Variants in RXFP2 observed in about 807,000 individuals in gnomAD.
RXFP2 encodes the protein relaxin receptor 2.
RXFP2 carries 68 observed loss-of-function variants against 88.6 expected under a neutral mutation model. The observed-to-expected ratio is 0.77, with a 90% confidence interval of 0.63 to 0.94. RXFP2 has a LOEUF of 0.94. Ranked by LOEUF, RXFP2 falls within the 40% of genes least tolerant of loss-of-function variation. The pLI, the probability that RXFP2 is intolerant of heterozygous loss-of-function variation, is 0.00. For synonymous variants in RXFP2, 329 were observed against 306.8 expected, an observed-to-expected ratio of 1.07 and a Z score of -0.76; for missense variants, 791 against 893.9, an observed-to-expected ratio of 0.88 and a Z score of 1.47.
chr13:31,776,260 T>C (rs1872974877), intron 7 of RXFP2, among the ~76,000 whole-genome samples: 1 of 137,214 alleles, frequency 7.3e-6, no homozygotes, highest in Non-Finnish European at 1.6e-5. Flanking sequence ...CTTCTTTTTT[T>C]TTTTTTTTTT....
chr13:31,774,613 C>T lies in RXFP2; in HGVS notation c.498-7C>T, dbSNP rs745606493. On this transcript the variant is annotated splice_polypyrimidine_tract_variant and splice_region_variant and intron_variant, in intron 5 of 17. Transcript: ENST00000298386. ...ATCACCTGACTCTCTTATCTTATTC[C>T]TACCAGATTTCTTCAGCATAATTGC... is the stretch of plus-strand genomic sequence containing the variant. 7.9e-5 allele frequency: 116 copies of T among 1,462,048 alleles called. 1 individual carries two copies. In the Admixed American group the frequency reaches 1.9e-3, roughly 24 times the overall value. The allele number at this position is 1,462,048 out of a possible 1,614,324, so 90.6% of individuals were successfully genotyped here. A position where few individuals can be genotyped will look rare whatever the true frequency, so the allele number is the denominator to read the frequency against.
chr13:31,741,408 A>G (rs941170379), intron 1 of RXFP2, among the ~76,000 whole-genome samples: 1 of 152,128 alleles, frequency 6.6e-6, no homozygotes, highest in Non-Finnish European at 1.5e-5. Flanking sequence ...ATTCCTACTT[A>G]TAAAAATAAT....
intron 1 of RXFP2, among the ~76,000 whole-genome samples, chr13:31,749,687 A>G (rs1593445585): frequency 6.6e-6 from 1 of 152,204 alleles, no homozygotes; most frequent in African/African-American, 2.4e-5. Context: ...TGATTTTTAA[A>G]ATGTTTCATT....
chr13:31,743,071 G>T (rs991426425), intron 1 of RXFP2, among the ~76,000 whole-genome samples: 3 of 152,278 alleles, frequency 2.0e-5, no homozygotes, highest in Non-Finnish European at 2.9e-5. Flanking sequence ...AATTAAGTTT[G>T]CAGTGAAGGT....
chr13:31,802,046 T>A, intron 17 of RXFP2, 100 bp from the exon 18 acceptor site: 1 of 1,182,894 alleles, frequency 8.5e-7, no homozygotes, highest in Admixed American at 1.9e-5. Context: ...AAATGTACTA[T>A]GTCTCCCTCT....
chr13:31,792,916 C>G lies in RXFP2; in HGVS notation c.1614C>G (p.Thr538=). 1 of 1,614,134 alleles carries G rather than the reference C, an allele frequency of 6.2e-7. No individual in the cohort carries two copies. The highest frequency in any genetic ancestry group is 8.5e-7 in the Non-Finnish European group (1 of 1,180,034). The change falls in exon 16 of 18, where the codon ACC becomes ACG. Residue 538 remains threonine, a synonymous_variant. Coordinates refer to ENST00000298386, the MANE Select transcript of RXFP2 (RefSeq NM_130806.5). ...FSNIRPGKRQ[T]SVILICIWMA... is the part of the protein sequence containing the mutation. ...ACATTCGACCTGGAAAACGGCAGACCTCAGTCATCCTCATTTGCATCTGGA... is the reference window on the plus strand; with the variant it reads ...ACATTCGACCTGGAAAACGGCAGACGTCAGTCATCCTCATTTGCATCTGGA...
intron 1 of RXFP2, among the ~76,000 whole-genome samples, chr13:31,744,987 G>A (rs148728232): frequency 0.012 from 1,894 of 152,110 alleles, 39 homozygotes; most frequent in African/African-American, 0.043. Context: ...TGGCCAACAT[G>A]GTGAAACCCT....
chr13:31,792,736 C>T lies in RXFP2; in HGVS notation c.1434C>T (p.Tyr478=), dbSNP rs772243938. 6.2e-7 allele frequency: 1 copy of T among 1,614,078 alleles called. No individual in the cohort carries two copies. The highest frequency in any genetic ancestry group is 1.7e-5 in the Admixed American group (1 of 60,016). Reference sequence around the variant, plus strand: ...TTGTTGGCATTTTCGATATAAAATACCGAGGGCAGTATCAGAAGTATGCCT... The same window carrying T: ...TTGTTGGCATTTTCGATATAAAATATCGAGGGCAGTATCAGAAGTATGCCT... ...LFFVGIFDIK[Y]RGQYQKYALL... The change falls in exon 16 of 18, where the codon TAC becomes TAT. Residue 478 remains tyrosine, a synonymous_variant. Coordinates refer to ENST00000298386, the MANE Select transcript of RXFP2 (RefSeq NM_130806.5).
In RXFP2 at chr13:31,765,243, ACC is replaced by A. The variant is rs1419388088; in HGVS notation, c.425+103_425+104del. 30 of 750,882 alleles carry A rather than the reference ACC, an allele frequency of 4.0e-5. 1 individual carries two copies. The South Asian group carries it at 4.1e-4, about 10-fold the overall frequency. The allele number at this position is 750,882 out of a possible 1,614,324, so 46.5% of individuals were successfully genotyped here. ...CTTGTGCATTAGCAAAATAATAGAA[ACC>A]CTGTTTAAAACTACCAGTCATCAGA... On this transcript the variant is annotated intron_variant, in intron 4 of 17. Transcript: ENST00000298386.
At chr13:31,796,592 T>C (rs1874060348) in intron 16 of RXFP2, among the ~76,000 whole-genome samples, 1 of 152,184 alleles carries the variant, frequency 6.6e-6, no homozygotes, top group African/African-American at 2.4e-5. Context: ...CTTCATGATA[T>C]GCCTAGATCT....
intron 5 of RXFP2, among the ~76,000 whole-genome samples, chr13:31,769,494 G>C (rs1872660463): frequency 6.6e-6 from 1 of 152,098 alleles, no homozygotes; most frequent in Admixed American, 6.5e-5. Flanking sequence ...TTTCAAATCT[G>C]TTCTTCATTC....
At chr13:31,789,239 CAAATTAT>C in intron 14 of RXFP2, 46 bp downstream of exon 14, 7 of 1,171,496 alleles carry the variant, frequency 6.0e-6, no homozygotes, top group Non-Finnish European at 6.4e-6. Context: ...TAAAATGCTT[CAAATTAT>C]CTCCTGTAAA....
Position 31,792,880 on chromosome 13 carries a change from C to A in RXFP2, c.1578C>A (p.Phe526Leu), listed in dbSNP as rs768410691. The A allele has an allele frequency of 6.2e-7, 1 of 1,614,158 alleles. No homozygotes were observed. The highest frequency in any genetic ancestry group is 2.2e-5 in the East Asian group (1 of 44,876). Reference sequence around the variant, plus strand: ...TGGAGAAGTTCCTGGTCATTGTCTTCCCCTTCAGTAACATTCGACCTGGAA... The same window carrying A: ...TGGAGAAGTTCCTGGTCATTGTCTTACCCTTCAGTAACATTCGACCTGGAA... ...LTLEKFLVIV[F>L]PFSNIRPGKR... Residue 526 changes from phenylalanine to leucine, a missense_variant, in exon 16 of 18, where the codon TTC becomes TTA. Coordinates refer to ENST00000298386, the MANE Select transcript of RXFP2 (RefSeq NM_130806.5).
intron 17 of RXFP2, 91 bp from the exon 18 acceptor site, chr13:31,802,055 C>G: frequency 7.6e-7 from 1 of 1,313,220 alleles, no homozygotes; most frequent in Non-Finnish European, 1.1e-6. Flanking sequence ...ATGTCTCCCT[C>G]TCATAAATAG....
rs771880107 is a variant in RXFP2, at chr13:31,758,304, A to G, written c.141A>G (p.Lys47=). 6.2e-7 allele frequency: 1 copy of G among 1,614,104 alleles called. No individual in the cohort carries two copies. The highest frequency in any genetic ancestry group is 1.7e-5 in the Admixed American group (1 of 60,026). Residue 47 remains lysine (K), a synonymous_variant, in exon 2 of 18, where the codon AAA becomes AAG. Transcript: ENST00000298386. ...QGSMITPSCQ[K]GYFPCGNLTK... ...GCATGATCACTCCTTCATGCCAAAA[A>G]GGATATTTTCCCTGTGGGAATCTTA...
intron 14 of RXFP2, among the ~76,000 whole-genome samples, chr13:31,790,988 T>G (rs1242648896): frequency 6.6e-6 from 1 of 152,068 alleles, no homozygotes; most frequent in South Asian, 2.1e-4. Flanking sequence ...GCAGCCTTGG[T>G]CTAGAAACTG....
At chr13:31,794,031 G>T (rs1409607884) in intron 16 of RXFP2, among the ~76,000 whole-genome samples, 1 of 152,098 alleles carries the variant, frequency 6.6e-6, no homozygotes, top group East Asian at 1.9e-4. Context: ...CAAAAGGACT[G>T]TGTACACCTC....
chr13:31,789,709 G>A (rs1320605940), intron 14 of RXFP2, among the ~76,000 whole-genome samples: 3 of 152,118 alleles, frequency 2.0e-5, no homozygotes, highest in African/African-American at 7.2e-5. Context: ...TAATATATGT[G>A]TTCATAATTA....
At chr13:31,742,293 C>A (rs58344064) in intron 1 of RXFP2, among the ~76,000 whole-genome samples, 2 of 152,152 alleles carry the variant, frequency 1.3e-5, no homozygotes, top group African/African-American at 4.8e-5. Flanking sequence ...TGTTTGACTG[C>A]CCCCTAGTGG....
Sources: allele counts gnomAD v4.1 joint callset (sites outside exome capture counted in the v4.1 genomes callset), GRCh38; gene constraint gnomAD v4.1.1; transcripts MANE v1.5; gene names NCBI Gene and HGNC (gene_info 2026-07-23, HGNC 2026-07-21).